NBPF19: variants seen among roughly 807,000 people sequenced by gnomAD.
NBPF19 encodes NBPF family member NBPF19.
Under a neutral mutation model 45.9 loss-of-function variants are expected in NBPF19, and 30 were observed. The ratio of observed to expected loss-of-function variants is 0.65; its 90% CI spans 0.49 to 0.89. NBPF19 has a LOEUF of 0.89. Ranked by LOEUF, NBPF19 falls within the 40% of genes least tolerant of loss-of-function variation. The pLI is 0.00. For missense variants in NBPF19, 495 were observed against 471.8 expected (o/e 1.05, Z -0.46); for synonymous variants, 183 against 181.2 (o/e 1.01, Z -0.08).
At position 149,554,885 on chromosome 1, in the gene NBPF19, C is replaced by A; in HGVS notation, c.*147C>A. 1 of 1,424,642 alleles carries A rather than the reference C, an allele frequency of 7.0e-7. No individual in the cohort carries two copies. The allele number at this position is 1,424,642 out of a possible 1,614,324, so 88.3% of individuals were successfully genotyped here. The stretch of plus-strand genomic sequence containing the variant: ...CTCTTTTCCTATTCTCAAACCATGC[C>A]AGTGGCAACCTGTGCTCAGTCTGAA... On this transcript the variant is annotated 3_prime_UTR_variant, in exon 94 of 94. Coordinates refer to ENST00000651566, the MANE Select transcript of NBPF19 (RefSeq NM_001351365.2).
chr1:149,487,545 G>C (rs1316985255), intron 9 of NBPF19, among the ~76,000 whole-genome samples, 162 bp downstream of exon 9: 6 of 151,066 alleles, frequency 4.0e-5, no homozygotes, highest in African/African-American at 9.7e-5. Context: ...TAAATGTTTA[G>C]GTTTCCATTT....
chr1:149,487,917 T>A (rs1188706190), intron 9 of NBPF19, 96 bp from the exon 10 acceptor site: 1 of 736,478 alleles, frequency 1.4e-6, no homozygotes, highest in Non-Finnish European at 2.5e-6. Context: ...CCTTTTTCTT[T>A]TCAAACTCTT....
chr1:149,554,465 C>T (rs2087187862), intron 93 of NBPF19, 30 bp from the exon 94 acceptor site: 7 of 1,607,874 alleles, frequency 4.4e-6, no homozygotes, highest in Admixed American at 1.7e-5. Flanking sequence ...TTTTCCCTGG[C>T]TGCTTCTTTA....
intron 9 of NBPF19, among the ~76,000 whole-genome samples, chr1:149,487,631 G>A (rs1443744128): frequency 1.3e-5 from 2 of 150,400 alleles, no homozygotes; most frequent in Admixed American, 6.6e-5. Flanking sequence ...GGTAACTGCA[G>A]GGAAACTTGA....
chr1:149,477,829 C>T lies in NBPF19; in HGVS notation c.176-116C>T, dbSNP rs1364291418. On this transcript the variant is annotated intron_variant, in intron 2 of 93. Transcript: ENST00000651566. ...AAAGATGTGGAAATCCCTGTCTAGACCCTGGTACTGGGGAGAGTTTTGTCC... is the reference window on the plus strand; with the variant it reads ...AAAGATGTGGAAATCCCTGTCTAGATCCTGGTACTGGGGAGAGTTTTGTCC... The T allele has an allele frequency of 5.5e-5, 46 of 834,334 alleles. 1 individual carries two copies. Among genetic ancestry groups the T allele is most frequent in the Non-Finnish European group, 8.3e-5 (42 of 504,750 alleles). The allele number at this position is 834,334 out of a possible 1,614,324, so 51.7% of individuals were successfully genotyped here.
At chr1:149,487,775 C>CTGTGTGTGTGTGTGTG (rs1219803937) in intron 9 of NBPF19, among the ~76,000 whole-genome samples, 1 of 128,686 alleles carries the variant, frequency 7.8e-6, no homozygotes, top group Admixed American at 7.7e-5. Flanking sequence ...TGAGCTCGCT[C>CTGTGTGTGTGTGTGTG]TGTGTGTGTG....
chr1:149,478,481 C>A (rs1195339325), intron 3 of NBPF19, among the ~76,000 whole-genome samples: 2 of 151,200 alleles, frequency 1.3e-5, no homozygotes, highest in Non-Finnish European at 3.0e-5. Context: ...CTTTTCAATT[C>A]GCCCCATCTG....
In NBPF19 at chr1:149,477,957, G is replaced by A. The variant is rs1433648350; in HGVS notation, c.188G>A (p.Cys63Tyr). The change falls in exon 3 of 94, where the codon TGT becomes TAT. Residue 63 changes from cysteine (C) to tyrosine (Y), a missense_variant. Physicochemically the swap from Cys to Tyr is radical, Grantham distance 194. This residue lies in a region of NBPF19 where 69 missense variants were observed against 87.8 expected (regional missense o/e 0.79). Coordinates refer to ENST00000651566, the MANE Select transcript of NBPF19 (RefSeq NM_001351365.2). ...TGTCTTTTCTCAGAGTATGAAGAGT[G>A]TAAAGACCTCATAAAATTTATGCTG... ...NRQKKYKYEE[C>Y]KDLIKFMLRN... 4.3e-6 allele frequency: 6 copies of A among 1,401,898 alleles called. No homozygotes were observed. In the Admixed American group the frequency reaches 1.0e-4, roughly 24 times the overall value. 86.8% of individuals were successfully genotyped at this position (1,401,898 alleles called of 1,614,324 possible). A position where few individuals can be genotyped will look rare whatever the true frequency, so the allele number is the denominator to read the frequency against.
chr1:149,478,777 G>A (rs2084998463), intron 3 of NBPF19, 103 bp from the exon 4 acceptor site: 2 of 1,275,966 alleles, frequency 1.6e-6, no homozygotes, highest in South Asian at 2.4e-5. Context: ...CCTTCTGCTT[G>A]GAGGTCTCCT....
rs1571068266 is a variant in NBPF19 at position 149,554,929 on chromosome 1, G to C, written c.*191G>C. ...GTCTGAAGACAATGGACCCACGTTA[G>C]GTGTGACACGTTCACATAACTGTGC... On this transcript the variant is annotated 3_prime_UTR_variant, in exon 94 of 94. Transcript: ENST00000651566. 4.1e-6 allele frequency: 4 copies of C among 972,712 alleles called. No individual in the cohort carries two copies. In the East Asian group the frequency reaches 7.4e-5, roughly 18 times the overall value. 60.3% of individuals were successfully genotyped at this position (972,712 alleles called of 1,614,324 possible). A position where few individuals can be genotyped will look rare whatever the true frequency, so the allele number is the denominator to read the frequency against.
intron 12 of NBPF19, 128 bp from the exon 13 acceptor site, chr1:149,490,315 A>G: frequency 1.7e-4 from 1 of 5,838 alleles, no homozygotes. Flanking sequence ...CTCCTGAAGT[A>G]TATCTCTCAC....
intron 61 of NBPF19, among the ~76,000 whole-genome samples, chr1:149,528,954 T>G (rs1454609815): frequency 7.7e-6 from 1 of 129,610 alleles, no homozygotes; most frequent in Non-Finnish European, 1.6e-5. Context: ...TCTGTGTGTG[T>G]GTGTGTGTGT....
chr1:149,554,560 A>G lies in NBPF19; in HGVS notation c.11354A>G (p.Tyr3785Cys), dbSNP rs2087197384. ...TTACAGGACTCACTGGATGGATGTT[A>G]TTCGACTCCGTCAATGTACTTTGAA... is the stretch of plus-strand genomic sequence containing the variant. The part of the protein sequence containing the change: ...EVLQDSLDGC[Y>C]STPSMYFELP... Residue 3785 changes from tyrosine (Y) to cysteine (C), a missense_variant, in exon 94 of 94, where the codon TAT becomes TGT. Physicochemically the swap from Tyr to Cys is radical, Grantham distance 194 (BLOSUM62 -2). Transcript: ENST00000651566. The G allele has an allele frequency of 1.2e-6, 2 of 1,608,136 alleles. No individual in the cohort carries two copies. Among genetic ancestry groups the G allele is most frequent in the East Asian group, 2.2e-5 (1 of 44,862 alleles).
At chr1:149,486,681 C>T (rs2085527682) in intron 8 of NBPF19, among the ~76,000 whole-genome samples, 1 of 151,332 alleles carries the variant, frequency 6.6e-6, no homozygotes, top group South Asian at 2.1e-4. Context: ...CAAAGCATGT[C>T]TGTGTGGTTC....
chr1:149,481,473 ATTTTTTTTT>A (rs1190866284), intron 6 of NBPF19, among the ~76,000 whole-genome samples: 2 of 66,764 alleles, frequency 3.0e-5, no homozygotes, highest in African/African-American at 1.5e-4. Context: ...AGCATCGTGG[ATTTTTTTTT>A]TTTTTTTTTT....
chr1:149,477,353 T>A (rs1312635389), intron 2 of NBPF19, among the ~76,000 whole-genome samples: 1 of 151,370 alleles, frequency 6.6e-6, no homozygotes, highest in Non-Finnish European at 1.5e-5. Flanking sequence ...CTAATCTAAA[T>A]CTTAATGCTG....
Position 149,554,874 on chromosome 1 carries a change from T to G in NBPF19, c.*136T>G. On this transcript the variant is annotated 3_prime_UTR_variant, in exon 94 of 94. Coordinates refer to ENST00000651566, the MANE Select transcript of NBPF19 (RefSeq NM_001351365.2). ...AGTGGGCATGGCTCTTTTCCTATTC[T>G]CAAACCATGCCAGTGGCAACCTGTG... is the stretch of plus-strand genomic sequence containing the variant. 1 of 1,486,294 alleles carries G rather than the reference T, an allele frequency of 6.7e-7. No individual in the cohort carries two copies. The allele number at this position is 1,486,294 out of a possible 1,614,324, so 92.1% of individuals were successfully genotyped here.
rs1259673467 is a variant in NBPF19 at position 149,478,779 on chromosome 1, A to C, written c.279-101A>C. ...CAACATGTGCTGACCTTCTGCTTGG[A>C]GGTCTCCTTGAGGACATTGTCTCAG... On this transcript the variant is annotated intron_variant, in intron 3 of 93. Transcript: ENST00000651566. 1.0e-4 allele frequency: 134 copies of C among 1,281,140 alleles called. 1 individual carries two copies. The Admixed American group carries it at 2.3e-3, about 22-fold the overall frequency. The allele number at this position is 1,281,140 out of a possible 1,614,324, so 79.4% of individuals were successfully genotyped here.
At chr1:149,528,933 C>T (rs1248937488) in intron 61 of NBPF19, among the ~76,000 whole-genome samples, 16,085 of 126,886 alleles carry the variant, frequency 0.13, 636 homozygotes, top group South Asian at 0.2. Context: ...TCACTGAGCT[C>T]GTTCTCTCTC....
Sources: gnomAD v4.1 joint callset for allele counts (sites outside exome capture counted in the v4.1 genomes callset) on GRCh38, gnomAD v4.1.1 for gene constraint, gnomAD v4.1.1 regional missense constraint, MANE v1.5 for transcripts, NCBI Gene and HGNC (gene_info 2026-07-23, HGNC 2026-07-21) for gene names.